Variants in PCDH18 observed in about 807,000 individuals in gnomAD.
PCDH18 encodes protocadherin 18.
In PCDH18, 38 loss-of-function variants were observed where a neutral mutation model predicts 71.5. The ratio of observed to expected loss-of-function variants is 0.53; its 90% CI spans 0.41 to 0.70. PCDH18 has a LOEUF of 0.70. PCDH18 is among the 30% of genes least tolerant of loss of function. The pLI is 0.00. For missense variants in PCDH18, 1,334 were observed against 1,384.6 expected (o/e 0.96, Z 0.58); for synonymous variants, 565 against 505.4 (o/e 1.12, Z -1.58).
Position 137,530,098 on chromosome 4 carries a change from G to A in PCDH18, c.1991C>T (p.Pro664Leu), listed in dbSNP as rs866348904. Residue 664 changes from proline (P) to leucine (L), a missense_variant, in exon 1 of 4, where the codon CCT becomes CTT. Around this residue, in one of 3 missense-constraint regions of PCDH18, gnomAD observed 1,011 missense variants for 1,048.0 expected, o/e 0.96. Coordinates refer to ENST00000344876, the MANE Select transcript of PCDH18 (RefSeq NM_019035.5). The stretch of plus-strand genomic sequence containing the variant: ...CAGAAGGACTTTGGTATGTAGCTGA[G>A]GATTGCCTTTGTCCTGAATGATAAC... ...LSVIIQDKGN[P>L]QLHTKVLLKC... 12 of 1,613,942 alleles carry A rather than the reference G, an allele frequency of 7.4e-6. No individual in the cohort carries two copies. Among genetic ancestry groups the A allele is most frequent in the African/African-American group, 1.3e-5 (1 of 75,036 alleles).
At chr4:137,527,243 G>C (rs943755176) in intron 3 of PCDH18, among the ~76,000 whole-genome samples, 1 of 152,106 alleles carries the variant, frequency 6.6e-6, no homozygotes, top group Non-Finnish European at 1.5e-5. Context: ...TCAAAATTGG[G>C]TTGCTTATAT....
rs761847739 is a variant in PCDH18 at position 137,528,473 on chromosome 4, C to G, written c.2740+5G>C. On this transcript the variant is annotated splice_donor_5th_base_variant and intron_variant, in intron 3 of 3. Coordinates refer to ENST00000344876, the MANE Select transcript of PCDH18 (RefSeq NM_019035.5). Reference sequence around the variant, plus strand: ...AATAAAGATTTTCTATCACTACCCTCTTACCTGCTGGAATTCTTCCATCTG... The same window carrying G: ...AATAAAGATTTTCTATCACTACCCTGTTACCTGCTGGAATTCTTCCATCTG... The G allele has an allele frequency of 3.7e-6, 6 of 1,613,398 alleles. No individual in the cohort carries two copies. The highest frequency in any genetic ancestry group is 5.1e-6 in the Non-Finnish European group (6 of 1,179,456).
rs767517000 is a variant in PCDH18 at position 137,531,564 on chromosome 4, C to T, written c.525G>A (p.Ser175=). Residue 175 remains serine (S), a synonymous_variant, in exon 1 of 4, where the codon TCG becomes TCA. Transcript: ENST00000344876. The stretch of plus-strand genomic sequence containing the variant: ...TATTAAAAAAATCATTGGCAGAGAG[C>T]GAGTATGTGTGGAGGGAATTTTCCC... ...DVGENSLHTY[S]LSANDFFNIE... 22 of 1,612,876 alleles carry T rather than the reference C, an allele frequency of 1.4e-5. No homozygotes were observed. The highest frequency in any genetic ancestry group is 8.9e-5 in the East Asian group (4 of 44,866).
chr4:137,521,669 C>G lies in PCDH18; in HGVS notation c.2768G>C (p.Arg923Thr). The change falls in exon 4 of 4, where the codon AGG becomes ACG. Residue 923 changes from arginine (R) to threonine (T), a missense_variant. Arg to Thr is a moderately conservative substitution (Grantham distance 71). Around this residue, in one of 3 missense-constraint regions of PCDH18, gnomAD observed 319 missense variants for 316.3 expected, o/e 1.01. Coordinates refer to ENST00000344876, the MANE Select transcript of PCDH18 (RefSeq NM_019035.5). ...GCACTGGTCAGAGTGTCCCAGGACC[C>G]TGCACTCCTCCGTGCAGAGTCTCAT... ...AAMRLCTEEC[R>T]VLGHSDQCWM... 16 of 1,609,248 alleles carry G rather than the reference C, an allele frequency of 9.9e-6. No homozygotes were observed. The highest frequency in any genetic ancestry group is 1.4e-5 in the Non-Finnish European group (16 of 1,179,396).
intron 1 of PCDH18, 54 bp from the exon 2 acceptor site, chr4:137,528,874 C>G (rs1254978169): frequency 8.4e-7 from 1 of 1,196,762 alleles, no homozygotes; most frequent in Non-Finnish European, 1.2e-6. Flanking sequence ...CAAACACTCA[C>G]AATCTTTAAG....
Position 137,531,064 on chromosome 4 carries a change from A to G in PCDH18, c.1025T>C (p.Ile342Thr). 1 of 1,611,974 alleles carries G rather than the reference A, an allele frequency of 6.2e-7. No homozygotes were observed. The highest frequency in any genetic ancestry group is 8.5e-7 in the Non-Finnish European group (1 of 1,178,858). Residue 342 changes from isoleucine (I) to threonine (T), a missense_variant, in exon 1 of 4, where the codon ATT becomes ACT. Ile to Thr is a moderately conservative substitution (Grantham distance 89). Around this residue, in one of 3 missense-constraint regions of PCDH18, gnomAD observed 1,011 missense variants for 1,048.0 expected, o/e 0.96. Coordinates refer to ENST00000344876, the MANE Select transcript of PCDH18 (RefSeq NM_019035.5). ...ATTGTCATTAACATCCACAACCTTA[A>G]TTATAATTTTGCAATGGGCTGGGAT... ...NSIPAHCKII[I>T]KVVDVNDNKP...
intron 3 of PCDH18, among the ~76,000 whole-genome samples, chr4:137,524,329 A>G (rs1280847621): frequency 6.6e-6 from 1 of 152,134 alleles, no homozygotes; most frequent in Non-Finnish European, 1.5e-5. Flanking sequence ...TCATCAGGTG[A>G]TCAATCAGTT....
In PCDH18 at chr4:137,520,890, T is replaced by C; in HGVS notation, c.*139A>G. On this transcript the variant is annotated 3_prime_UTR_variant, in exon 4 of 4. Coordinates refer to ENST00000344876, the MANE Select transcript of PCDH18 (RefSeq NM_019035.5). Reference sequence around the variant, plus strand: ...GCATTGTGTACATACGAAAATACAGTATTTAATATTCAATATACACAGACA... The same window carrying C: ...GCATTGTGTACATACGAAAATACAGCATTTAATATTCAATATACACAGACA... The C allele has an allele frequency of 1.7e-6, 1 of 592,134 alleles. No homozygotes were observed. Among genetic ancestry groups the C allele is most frequent in the Non-Finnish European group, 3.0e-6 (1 of 333,812 alleles). The allele number at this position is 592,134 out of a possible 1,614,324, so 36.7% of individuals were successfully genotyped here. A position where few individuals can be genotyped will look rare whatever the true frequency, so the allele number is the denominator to read the frequency against.
chr4:137,530,681 A>G lies in PCDH18; in HGVS notation c.1408T>C (p.Tyr470His), dbSNP rs1265245762. The G allele has an allele frequency of 6.2e-7, 1 of 1,613,066 alleles. No individual in the cohort carries two copies. The highest frequency in any genetic ancestry group is 8.5e-7 in the Non-Finnish European group (1 of 1,179,576). Residue 470 changes from tyrosine (Y) to histidine (H), a missense_variant, in exon 1 of 4, where the codon TAT becomes CAT. Around this residue, in one of 3 missense-constraint regions of PCDH18, gnomAD observed 1,011 missense variants for 1,048.0 expected, o/e 0.96. Transcript: ENST00000344876. ...DNPPHFQRSR[Y>H]EFVISENNSP... is the part of the protein sequence containing the mutation. Reference sequence around the variant, plus strand: ...TTATTTTCTGAAATTACAAATTCATATCGGCTTCTCTGGAAGTGGGGTGGA... The same window carrying G: ...TTATTTTCTGAAATTACAAATTCATGTCGGCTTCTCTGGAAGTGGGGTGGA...
Position 137,519,765 on chromosome 4 carries a change from T to G in PCDH18, c.*1264A>C, listed in dbSNP as rs954530269. On this transcript the variant is annotated 3_prime_UTR_variant, in exon 4 of 4. Coordinates refer to ENST00000344876, the MANE Select transcript of PCDH18 (RefSeq NM_019035.5). ...AATTTTCTGGAGAGTACAATCAAGATAGTGTATTATTAGAAATAACATTAA... is the reference window on the plus strand; with the variant it reads ...AATTTTCTGGAGAGTACAATCAAGAGAGTGTATTATTAGAAATAACATTAA... 6.6e-6 allele frequency: 1 copy of G among 152,452 alleles called. No homozygotes were observed. The allele number at this position is 152,452 out of a possible 1,614,324, so 9.4% of individuals were successfully genotyped here.
At chr4:137,525,529 G>A (rs1323093470) in intron 3 of PCDH18, among the ~76,000 whole-genome samples, 1 of 152,054 alleles carries the variant, frequency 6.6e-6, no homozygotes, top group African/African-American at 2.4e-5. Flanking sequence ...TCCAGAAGTT[G>A]CTGGGGTAAA....
At chr4:137,525,756 A>C (rs1214375514) in intron 3 of PCDH18, among the ~76,000 whole-genome samples, 1 of 152,158 alleles carries the variant, frequency 6.6e-6, no homozygotes, top group Non-Finnish European at 1.5e-5. Flanking sequence ...TGTATCTACT[A>C]TAATGTATTT....
chr4:137,525,010 G>A (rs746043604), intron 3 of PCDH18, among the ~76,000 whole-genome samples: 1 of 151,822 alleles, frequency 6.6e-6, no homozygotes, highest in Non-Finnish European at 1.5e-5. Context: ...TTTAAAGTAA[G>A]TAATCAGAGA....
Position 137,531,162 on chromosome 4 carries a change from G to C in PCDH18, c.927C>G (p.Phe309Leu). ...TGGTGATTTCATAATCCACTTGCTT[G>C]AAAAGAGTCAAATGTCCTCTTTCAG... is the stretch of plus-strand genomic sequence containing the variant. ...IDSERGHLTL[F>L]KQVDYEITKS... The change falls in exon 1 of 4, where the codon TTC (phenylalanine) becomes TTG (leucine). Residue 309 changes from phenylalanine to leucine, a missense_variant. Phe to Leu is a conservative substitution (Grantham distance 22). This residue lies in a region of PCDH18 where 1,011 missense variants were observed against 1,048.0 expected (regional missense o/e 0.96). Transcript: ENST00000344876. 6.2e-7 allele frequency: 1 copy of C among 1,613,320 alleles called. No homozygotes were observed. Among genetic ancestry groups the C allele is most frequent in the African/African-American group, 1.3e-5 (1 of 74,998 alleles).
At position 137,531,947 on chromosome 4, in the gene PCDH18, A is replaced by T. The variant is rs781644547; in HGVS notation, c.142T>A (p.Ser48Thr). 1 of 1,614,118 alleles carries T rather than the reference A, an allele frequency of 6.2e-7. No homozygotes were observed. Among genetic ancestry groups the T allele is most frequent in the African/African-American group, 1.3e-5 (1 of 75,056 alleles). Reference protein sequence around the residue: ...QRVGSVIARLSEDVADVLLKL... With the variant: ...QRVGSVIARLTEDVADVLLKL... ...AATAAAACATCAGCCACATCCTCTG[A>T]TAGTCTTGCAATTACTGATCCAACC... The change falls in exon 1 of 4, where the codon TCA becomes ACA. Residue 48 changes from serine to threonine, a missense_variant. Coordinates refer to ENST00000344876, the MANE Select transcript of PCDH18 (RefSeq NM_019035.5).
In PCDH18 at chr4:137,531,524, T is replaced by C; in HGVS notation, c.565A>G (p.Arg189Gly). ...TCTGCATACTTGGCTCCATCAGTCCTGGTCCGAACCTCGATATTAAAAAAA... is the reference window on the plus strand; with the variant it reads ...TCTGCATACTTGGCTCCATCAGTCCCGGTCCGAACCTCGATATTAAAAAAA... ...NDFFNIEVRTRTDGAKYAELI... is the reference protein window; with the variant it reads ...NDFFNIEVRTGTDGAKYAELI... Residue 189 changes from arginine (R) to glycine (G), a missense_variant, in exon 1 of 4, where the codon AGG becomes GGG. Arg to Gly is a moderately radical substitution (Grantham distance 125). This residue lies in a region of PCDH18 where 1,011 missense variants were observed against 1,048.0 expected (regional missense o/e 0.96). Transcript: ENST00000344876. 6.2e-7 allele frequency: 1 copy of C among 1,613,800 alleles called. No homozygotes were observed. The highest frequency in any genetic ancestry group is 8.5e-7 in the Non-Finnish European group (1 of 1,179,874).
chr4:137,529,425 AAC>A, intron 1 of PCDH18, 175 bp downstream of exon 1: 1 of 481,938 alleles, frequency 2.1e-6, no homozygotes, highest in Non-Finnish European at 3.7e-6. Flanking sequence ...GAAAACTAAA[AAC>A]AGTATGCTAA....
intron 3 of PCDH18, 72 bp downstream of exon 3, chr4:137,528,406 G>A: frequency 8.4e-7 from 1 of 1,188,768 alleles, no homozygotes. Flanking sequence ...ATATAAGCAT[G>A]AGAGAAATTT....
In PCDH18 at chr4:137,531,823, C is replaced by T. The variant is rs1731716346; in HGVS notation, c.266G>A (p.Gly89Glu). ...VNEDNGEISI[G>E]ATIDREQLCQ... Reference sequence around the variant, plus strand: ...CAGTTGTTCACGGTCAATTGTAGCCCCTATGCTGATTTCCCCATTATCCTC... The same window carrying T: ...CAGTTGTTCACGGTCAATTGTAGCCTCTATGCTGATTTCCCCATTATCCTC... The change falls in exon 1 of 4, where the codon GGG becomes GAG. Residue 89 changes from glycine to glutamate, a missense_variant. Transcript: ENST00000344876. 6.2e-7 allele frequency: 1 copy of T among 1,614,098 alleles called. No homozygotes were observed. The highest frequency in any genetic ancestry group is 8.5e-7 in the Non-Finnish European group (1 of 1,179,998).
Sources: allele counts gnomAD v4.1 joint callset (sites outside exome capture counted in the v4.1 genomes callset), GRCh38; gene constraint gnomAD v4.1.1; regional missense constraint gnomAD v4.1.1; transcripts MANE v1.5; gene names NCBI Gene and HGNC (gene_info 2026-07-23, HGNC 2026-07-21).